EPS15L1: variants seen among roughly 807,000 people sequenced by gnomAD.
The protein encoded by EPS15L1 is epidermal growth factor receptor pathway substrate 15 like 1.
EPS15L1 carries 43 observed loss-of-function variants against 117.1 expected under a neutral mutation model. That is an observed-to-expected ratio of 0.37 (90% confidence interval 0.29 to 0.47). The LOEUF (loss-of-function observed/expected upper bound fraction) is 0.47. Among genes scored for constraint, EPS15L1 ranks in the 20% least tolerant of loss-of-function variants. EPS15L1 has a pLI of 0.99. For missense variants in EPS15L1, 981 were observed against 1,164.0 expected, an observed-to-expected ratio of 0.84 and a Z score of 2.29; for synonymous variants, 459 against 470.5, an observed-to-expected ratio of 0.98 and a Z score of 0.32.
Position 16,471,377 on chromosome 19 carries a change from G to A in EPS15L1, c.33+536C>T, listed in dbSNP as rs1017258171. 1.3e-5 allele frequency among the ~76,000 whole-genome samples: 2 copies of A among 152,214 alleles called. No homozygotes were observed. The highest frequency in any genetic ancestry group is 2.9e-5 in the Non-Finnish European group (2 of 68,032). ...TCATAAGCGCATCAGGCGAATTTGA[G>A]GACACAGAGAGGCGCCCGGAGACGT... On this transcript the variant is annotated intron_variant, in intron 1 of 23. Coordinates refer to ENST00000455140, the MANE Select transcript of EPS15L1 (RefSeq NM_001258374.3). This position sits in a 1 kb window ranked among gnomAD's most constrained non-coding sequence, Gnocchi z 4.8.
At chr19:16,386,366 A>C in intron 19 of EPS15L1, 135 bp from the exon 20 acceptor site, 1 of 708,632 alleles carries the variant, frequency 1.4e-6, no homozygotes, top group Non-Finnish European at 2.5e-6. Flanking sequence ...ATTAAAACTC[A>C]ACCCAGGCAG....
At chr19:16,403,599 A>AGGGAG (rs1274770254) in intron 15 of EPS15L1, 134 bp downstream of exon 15, 11 of 846,400 alleles carry the variant, frequency 1.3e-5, no homozygotes, top group Non-Finnish European at 1.9e-5. Flanking sequence ...CCTCCAGGCC[A>AGGGAG]GCACCACAGC....
chr19:16,366,454 AT>A (rs1195671275), intron 22 of EPS15L1, among the ~76,000 whole-genome samples: 1 of 152,214 alleles, frequency 6.6e-6, no homozygotes, highest in South Asian at 2.1e-4. Flanking sequence ...GCCTGCTACC[AT>A]TTCAAGCTGA....
intron 8 of EPS15L1, among the ~76,000 whole-genome samples, chr19:16,428,385 AAAAG>A (rs1190848592): frequency 7.4e-5 from 11 of 148,618 alleles, no homozygotes; most frequent in African/African-American, 1.2e-4. Flanking sequence ...AACAAAAAAA[AAAAG>A]AAAGAAAGAA....
chr19:16,404,842 A>AACCCACTGT lies in EPS15L1; in HGVS notation c.1267-94_1267-93insACAGTGGGT. 1.4e-6 allele frequency: 2 copies of AACCCACTGT among 1,424,458 alleles called. No individual in the cohort carries two copies. Among genetic ancestry groups the AACCCACTGT allele is most frequent in the Non-Finnish European group, 1.9e-6 (2 of 1,035,030 alleles). 88.2% of individuals were successfully genotyped at this position (1,424,458 alleles called of 1,614,324 possible). On this transcript the variant is annotated intron_variant, in intron 13 of 23. Coordinates refer to ENST00000455140, the MANE Select transcript of EPS15L1 (RefSeq NM_001258374.3). The surrounding 1 kb of genome is among the most constrained non-coding windows in gnomAD (Gnocchi z 4.2). The stretch of plus-strand genomic sequence containing the variant: ...CAGCCTGGGCCAGAAGTCCAGGGGA[A>AACCCACTGT]GCCTCCGAAACCACCCACTGTGACC...
chr19:16,432,296 T>C (rs1189869080), intron 7 of EPS15L1, among the ~76,000 whole-genome samples: 1 of 151,720 alleles, frequency 6.6e-6, no homozygotes, highest in Non-Finnish European at 1.5e-5. Context: ...TGGCTGGGCA[T>C]GGTGGCTCAC....
intron 7 of EPS15L1, among the ~76,000 whole-genome samples, chr19:16,429,736 A>G (rs1048939162): frequency 2.0e-5 from 3 of 152,116 alleles, no homozygotes; most frequent in African/African-American, 7.2e-5. Context: ...TGACGGTAGC[A>G]GGTCCCTGCA....
Position 16,355,411 on chromosome 19 carries a change from A to G in EPS15L1, c.*294T>C, listed in dbSNP as rs2091967791. 2.6e-6 allele frequency: 1 copy of G among 380,240 alleles called. No homozygotes were observed. Among genetic ancestry groups the G allele is most frequent in the Non-Finnish European group, 4.8e-6 (1 of 209,106 alleles). The allele number at this position is 380,240 out of a possible 1,614,324, so 23.6% of individuals were successfully genotyped here. On this transcript the variant is annotated 3_prime_UTR_variant, in exon 24 of 24. Coordinates refer to ENST00000455140, the MANE Select transcript of EPS15L1 (RefSeq NM_001258374.3). ...AAGCCCTGGGTGCTTCCTCTCCTCG[A>G]CTGACCGCTGTGTGTTCGTCCCCAG...
chr19:16,430,801 G>A (rs1372558899), intron 7 of EPS15L1, among the ~76,000 whole-genome samples: 3 of 152,206 alleles, frequency 2.0e-5, no homozygotes, highest in South Asian at 2.1e-4. Flanking sequence ...ATGGACACAC[G>A]GGGACATGGC....
intron 1 of EPS15L1, among the ~76,000 whole-genome samples, chr19:16,454,181 G>A (rs2093173435): frequency 6.6e-6 from 1 of 152,252 alleles, no homozygotes; most frequent in Non-Finnish European, 1.5e-5. Context: ...GGAAACAGCA[G>A]AGGACTGGTT....
intron 12 of EPS15L1, among the ~76,000 whole-genome samples, chr19:16,416,921 T>C (rs1169423282): frequency 6.6e-6 from 1 of 152,180 alleles, no homozygotes; most frequent in Admixed American, 6.5e-5. Flanking sequence ...AGCCCTCGTT[T>C]ACACATGAGG....
At chr19:16,378,457 C>T (rs1440107385) in intron 21 of EPS15L1, among the ~76,000 whole-genome samples, 1 of 152,148 alleles carries the variant, frequency 6.6e-6, no homozygotes, top group Non-Finnish European at 1.5e-5. Flanking sequence ...AACCCCTCTC[C>T]TTGCTCAGAG....
intron 5 of EPS15L1, 166 bp from the exon 6 acceptor site, chr19:16,437,165 T>C (rs2092986636): frequency 1.7e-6 from 1 of 606,036 alleles, no homozygotes; most frequent in African/African-American, 1.8e-5. Flanking sequence ...CTCCTACGTA[T>C]TGACCCAAAT....
intron 1 of EPS15L1, among the ~76,000 whole-genome samples, chr19:16,468,072 C>T (rs537912996): frequency 2.6e-5 from 4 of 152,232 alleles, no homozygotes; most frequent in East Asian, 1.9e-4. Flanking sequence ...AGTTACCACG[C>T]GCTTCCTAGG....
At chr19:16,431,940 A>G (rs1019633460) in intron 7 of EPS15L1, among the ~76,000 whole-genome samples, 1 of 152,222 alleles carries the variant, frequency 6.6e-6, no homozygotes, top group African/African-American at 2.4e-5. Flanking sequence ...TTTCTAACCA[A>G]ACGTGGATAC....
At chr19:16,469,278 CAAG>C (rs1178692154) in intron 1 of EPS15L1, among the ~76,000 whole-genome samples, 1 of 151,916 alleles carries the variant, frequency 6.6e-6, no homozygotes, top group Non-Finnish European at 1.5e-5. Flanking sequence ...AATTAGGGGA[CAAG>C]AAGGAGAGAC....
Position 16,392,419 on chromosome 19 carries a change from A to G in EPS15L1, c.1988T>C (p.Phe663Ser). 1 of 1,614,220 alleles carries G rather than the reference A, an allele frequency of 6.2e-7. No individual in the cohort carries two copies. Among genetic ancestry groups the G allele is most frequent in the Non-Finnish European group, 8.5e-7 (1 of 1,180,026 alleles). ...GCCACGGAATGGGTCACTTTCTTTG[A>G]AAGGGTCCCCTCCAAATGGATCTAG... ...TSTDPFGGDP[F>S]KESDPFRGSA... Residue 663 changes from phenylalanine (F) to serine (S), a missense_variant, in exon 19 of 24, where the codon TTC (phenylalanine) becomes TCC (serine). By Grantham distance (155) the Phe-to-Ser change is radical. Coordinates refer to ENST00000455140, the MANE Select transcript of EPS15L1 (RefSeq NM_001258374.3).
chr19:16,413,548 C>T, intron 13 of EPS15L1: 6 of 729,278 alleles, frequency 8.2e-6, no homozygotes. Flanking sequence ...ATGCAGAGCA[C>T]CCAGGCTCCA....
At position 16,403,799 on chromosome 19, in the gene EPS15L1, C is replaced by T; in HGVS notation, c.1560G>A (p.Gln520=). 6.2e-7 allele frequency: 1 copy of T among 1,614,082 alleles called. No individual in the cohort carries two copies. The highest frequency in any genetic ancestry group is 1.1e-5 in the South Asian group (1 of 91,086). The change falls in exon 15 of 24, where the codon CAG becomes CAA. Residue 520 remains glutamine (Q), a synonymous_variant. Coordinates refer to ENST00000455140, the MANE Select transcript of EPS15L1 (RefSeq NM_001258374.3). ...TGGTTTCCAGCTGGACTCGCCCAGC[C>T]TGAATGCTCTGCTCCAGCTGGGTTT... ...QEETQLEQSI[Q]AGRVQLETII...
Sources: gnomAD v4.1 joint callset for allele counts (sites outside exome capture counted in the v4.1 genomes callset) on GRCh38, gnomAD v4.1.1 for gene constraint, Gnocchi (gnomAD v3.1) non-coding constraint, MANE v1.5 for transcripts, NCBI Gene and HGNC (gene_info 2026-07-23, HGNC 2026-07-21) for gene names.